The following ZNF573 variants were observed in gnomAD, a reference collection of about 807,000 sequenced individuals.
ZNF573 encodes the protein zinc finger protein 573.
ZNF573 carries 41 observed loss-of-function variants against 57.4 expected under a neutral mutation model. That is an observed-to-expected ratio of 0.71 (90% CI 0.56 to 0.93). The LOEUF (loss-of-function observed/expected upper bound fraction) is 0.93. ZNF573 is among the 40% of genes least tolerant of loss of function. The pLI is 0.00. For synonymous variants in ZNF573, 249 were observed against 261.0 expected (o/e 0.95, Z 0.44); for missense variants, 730 against 794.8 (o/e 0.92, Z 0.98).
At chr19:37,778,004 G>A (rs1256992413) in intron 1 of ZNF573, among the ~76,000 whole-genome samples, 11 of 124,304 alleles carry the variant, frequency 8.8e-5, no homozygotes, top group African/African-American at 2.8e-4. Flanking sequence ...CAGCCTGGGC[G>A]ACAGAGCGAG....
At chr19:37,773,590 C>T (rs2045678725) in intron 2 of ZNF573, 71 bp downstream of exon 2, 2 of 1,263,642 alleles carry the variant, frequency 1.6e-6, no homozygotes, top group Non-Finnish European at 1.1e-6. Flanking sequence ...AATAGGAAGC[C>T]TTAGGTTAAT....
chr19:37,772,621 C>T (rs915286486), intron 2 of ZNF573, among the ~76,000 whole-genome samples: 4 of 151,002 alleles, frequency 2.6e-5, no homozygotes, highest in Non-Finnish European at 4.4e-5. Context: ...TCTTTTACCT[C>T]GTGTACATTT....
At chr19:37,772,369 G>A (rs1239593066) in intron 2 of ZNF573, among the ~76,000 whole-genome samples, 1 of 151,928 alleles carries the variant, frequency 6.6e-6, no homozygotes, top group African/African-American at 2.4e-5. Context: ...CTGGGCTCAA[G>A]CAATCCGCCT....
At chr19:37,759,068 A>G in intron 4 of ZNF573, 1 of 524,688 alleles carries the variant, frequency 1.9e-6, no homozygotes, top group Non-Finnish European at 2.4e-6. Context: ...GCACTTTGGG[A>G]AGCCAATGCA....
chr19:37,761,757 T>C (rs533099839), intron 4 of ZNF573, among the ~76,000 whole-genome samples: 2 of 152,314 alleles, frequency 1.3e-5, no homozygotes, highest in African/African-American at 2.4e-5. Flanking sequence ...TGTTTCTACA[T>C]AGCTGTCCAT....
At position 37,742,358 on chromosome 19, in the gene ZNF573, C is replaced by G. The variant is rs1264613227; in HGVS notation, c.296-2164G>C. ...TTTTATATGGAATCAAAGAAGACCC[C>G]GTACAGCCAAGACAATCCTAAGCAA... On this transcript the variant is annotated intron_variant, in intron 4 of 4. Coordinates refer to ENST00000536220, the MANE Select transcript of ZNF573 (RefSeq NM_001172690.2). Among the ~76,000 whole-genome samples the G allele has an allele frequency of 2.6e-5, 4 of 152,172 alleles. 1 individual carries two copies. The South Asian group carries it at 8.3e-4, about 32-fold the overall frequency.
At chr19:37,774,385 C>T (rs947740392) in intron 1 of ZNF573, among the ~76,000 whole-genome samples, 2 of 151,934 alleles carry the variant, frequency 1.3e-5, no homozygotes, top group Non-Finnish European at 2.9e-5. Context: ...AGGTGATTCA[C>T]CCGCCTTGGC....
rs562676022 is a variant in ZNF573, at chr19:37,754,045, A to G, written c.296-13851T>C. On this transcript the variant is annotated intron_variant, in intron 4 of 4. Transcript: ENST00000536220. The stretch of plus-strand genomic sequence containing the variant: ...GAACTGGGAACATACAGCGACTACA[A>G]TGTCAGATACATAAAAGGGAGTAAA... 2.0e-5 allele frequency among the ~76,000 whole-genome samples: 3 copies of G among 152,306 alleles called. No individual in the cohort carries two copies. The South Asian group carries it at 6.2e-4, about 32-fold the overall frequency.
At chr19:37,766,540 C>G (rs929836773) in intron 4 of ZNF573, among the ~76,000 whole-genome samples, 1 of 152,220 alleles carries the variant, frequency 6.6e-6, no homozygotes. Context: ...CCTCAAAATT[C>G]TAACCTAGCT....
At chr19:37,763,781 T>C (rs1048328356) in intron 4 of ZNF573, among the ~76,000 whole-genome samples, 2 of 151,272 alleles carry the variant, frequency 1.3e-5, no homozygotes, top group African/African-American at 4.9e-5. Context: ...ATAAAGGAAA[T>C]GACTGGGCAT....
intron 4 of ZNF573, among the ~76,000 whole-genome samples, chr19:37,763,565 A>C (rs187510905): frequency 5.0e-4 from 76 of 152,084 alleles, no homozygotes; most frequent in African/African-American, 1.4e-3. Context: ...CTGTCTCAAA[A>C]AAAACAAAAC....
intron 4 of ZNF573, among the ~76,000 whole-genome samples, chr19:37,745,553 G>A (rs745395180): frequency 1.6e-4 from 24 of 151,800 alleles, no homozygotes; most frequent in Non-Finnish European, 1.8e-4. Flanking sequence ...TTGCCACTAC[G>A]CCCAGCTAAT....
intron 2 of ZNF573, chr19:37,772,889 C>T (rs1049560643): frequency 1.6e-5 from 15 of 933,992 alleles, no homozygotes; most frequent in Non-Finnish European, 1.8e-5. Context: ...CCCGCCTTGG[C>T]CTCCCACAGT....
At chr19:37,774,126 C>CTTTT (rs539456711) in intron 1 of ZNF573, among the ~76,000 whole-genome samples, 12 of 87,782 alleles carry the variant, frequency 1.4e-4, no homozygotes, top group South Asian at 3.9e-4. Context: ...CTAGAAGCTT[C>CTTTT]TTTTTTTTTT....
chr19:37,763,209 C>T (rs1283204112), intron 4 of ZNF573, among the ~76,000 whole-genome samples: 1 of 151,716 alleles, frequency 6.6e-6, no homozygotes, highest in Non-Finnish European at 1.5e-5. Context: ...TGCAGCCATG[C>T]CACAGGGTGC....
chr19:37,746,073 A>G (rs57308437), intron 4 of ZNF573, among the ~76,000 whole-genome samples: 28,584 of 152,180 alleles, frequency 0.19, 2,787 homozygotes, highest in Non-Finnish European at 0.21. Context: ...TCTGACCACA[A>G]GAAAAATTTT....
At chr19:37,767,943 G>C (rs1394655586) in intron 4 of ZNF573, among the ~76,000 whole-genome samples, 2 of 152,172 alleles carry the variant, frequency 1.3e-5, no homozygotes, top group Admixed American at 1.3e-4. Context: ...CACTTAGCAG[G>C]AGGAAGGAGA....
chr19:37,755,985 C>G (rs7250331), intron 4 of ZNF573, among the ~76,000 whole-genome samples: 1,714 of 152,300 alleles, frequency 0.011, 32 homozygotes, highest in African/African-American at 0.039. Context: ...TGTGCTCTTT[C>G]GCTTAGGTTA....
Position 37,739,671 on chromosome 19 carries a change from T to A in ZNF573, c.819A>T (p.Pro273=), listed in dbSNP as rs770898477. The part of the protein sequence containing the change: ...IHQRVHTGEK[P]YKCKECGKTF... Reference sequence around the variant, plus strand: ...TCTTCCCACATTCCTTACATTTATATGGTTTTTCGCCAGTATGAACTCTCT... The same window carrying A: ...TCTTCCCACATTCCTTACATTTATAAGGTTTTTCGCCAGTATGAACTCTCT... Residue 273 remains proline (P), a synonymous_variant, in exon 5 of 5, where the codon CCA becomes CCT. Coordinates refer to ENST00000536220, the MANE Select transcript of ZNF573 (RefSeq NM_001172690.2). The A allele has an allele frequency of 6.2e-7, 1 of 1,613,828 alleles. No individual in the cohort carries two copies. Among genetic ancestry groups the A allele is most frequent in the African/African-American group, 1.3e-5 (1 of 74,920 alleles).
Sources: allele counts gnomAD v4.1 joint callset (sites outside exome capture counted in the v4.1 genomes callset), GRCh38; gene constraint gnomAD v4.1.1; transcripts MANE v1.5; gene names NCBI Gene and HGNC (gene_info 2026-07-23, HGNC 2026-07-21).